Variants in ITIH5 observed in about 807,000 individuals in gnomAD.
ITIH5 encodes the protein inter-alpha-trypsin inhibitor heavy chain 5, also known as inter-alpha-trypsin inhibitor heavy chain H5.
A neutral mutation model predicts 77.5 loss-of-function variants in ITIH5; 65 were observed. The ratio of observed to expected loss-of-function variants is 0.84; its 90% CI spans 0.69 to 1.03. The LOEUF (loss-of-function observed/expected upper bound fraction) is 1.03. Ranked by LOEUF, ITIH5 falls within the 50% of genes least tolerant of loss-of-function variation. ITIH5 has a pLI of 0.00. For missense variants in ITIH5, 1,208 were observed against 1,213.1 expected (o/e 1.00, Z 0.06); for synonymous variants, 525 against 494.3 (o/e 1.06, Z -0.82).
At chr10:7,641,309 T>G (rs541262650) in intron 3 of ITIH5, among the ~76,000 whole-genome samples, 21 of 152,262 alleles carry the variant, frequency 1.4e-4, no homozygotes, top group Admixed American at 6.5e-4. Context: ...CTGAAAGCTC[T>G]TCCCAGATCT....
intron 2 of ITIH5, among the ~76,000 whole-genome samples, chr10:7,649,375 A>G (rs1381372784): frequency 6.6e-6 from 1 of 151,706 alleles, no homozygotes; most frequent in Non-Finnish European, 1.5e-5. Context: ...ATGAGACATA[A>G]TAGTGCTTAA....
Position 7,563,342 on chromosome 10 carries a change from G to C in ITIH5, c.2570C>G (p.Ala857Gly). The C allele has an allele frequency of 6.2e-7, 1 of 1,614,096 alleles. No individual in the cohort carries two copies. Among genetic ancestry groups the C allele is most frequent in the Non-Finnish European group, 8.5e-7 (1 of 1,179,942 alleles). Residue 857 changes from alanine (A) to glycine (G), a missense_variant, in exon 14 of 14, where the codon GCA (alanine) becomes GGA (glycine). Coordinates refer to ENST00000397146, the MANE Select transcript of ITIH5 (RefSeq NM_030569.7). ...NQDARLTEDP[A>G]GPSQNLTHPL... ...GTGAGTGAGGTTCTGGCTGGGCCCT[G>C]CAGGGTCTTCTGTGAGTCTGGCATC...
At position 7,642,069 on chromosome 10, in the gene ITIH5, C is replaced by G. The variant is rs1320414218; in HGVS notation, c.157G>C (p.Glu53Gln). ...QRLKTKPLMTEFSVKSTIISR... is the reference protein window; with the variant it reads ...QRLKTKPLMTQFSVKSTIISR... ...ATGATGGTAGACTTCACTGAGAATT[C>G]TGTCATCAAAGGTTTGGTTTTCTGT... is the stretch of plus-strand genomic sequence containing the variant. Residue 53 changes from glutamate to glutamine, a missense_variant, in exon 3 of 14, where the codon GAA becomes CAA. Physicochemically the swap from Glu to Gln is conservative, Grantham distance 29. Transcript: ENST00000397146. The G allele has an allele frequency of 6.2e-7, 1 of 1,613,794 alleles. No individual in the cohort carries two copies. Among genetic ancestry groups the G allele is most frequent in the African/African-American group, 1.3e-5 (1 of 74,886 alleles).
chr10:7,559,791 T>C lies in ITIH5; in HGVS notation c.*3292A>G, dbSNP rs1174429198. On this transcript the variant is annotated 3_prime_UTR_variant, in exon 14 of 14. Transcript: ENST00000397146. ...TCTTCCTGGCTTGCAGGTGGCCATC[T>C]TCTCATCGTATCCCCAGGTGGTGGA... 4.4e-6 allele frequency: 2 copies of C among 455,454 alleles called. No homozygotes were observed. The highest frequency in any genetic ancestry group is 4.0e-5 in the African/African-American group (2 of 49,868). 28.2% of individuals were successfully genotyped at this position (455,454 alleles called of 1,614,324 possible). A position where few individuals can be genotyped will look rare whatever the true frequency, so the allele number is the denominator to read the frequency against.
rs779378236 is a variant in ITIH5, at chr10:7,576,811, G to A, written c.1620C>T (p.Ile540=). 1.2e-6 allele frequency: 2 copies of A among 1,614,096 alleles called. No individual in the cohort carries two copies. Among genetic ancestry groups the A allele is most frequent in the Non-Finnish European group, 1.7e-6 (2 of 1,180,050 alleles). Residue 540 remains isoleucine, a synonymous_variant, in exon 10 of 14, where the codon ATC becomes ATT. Coordinates refer to ENST00000397146, the MANE Select transcript of ITIH5 (RefSeq NM_030569.7). The part of the protein sequence containing the change: ...VTASNSKKFI[I]LKTDVPVRPQ... ...GCCGCACAGGCACATCTGTCTTCAG[G>A]ATGATGAATTTCTTACTGTTGCTGG... is the stretch of plus-strand genomic sequence containing the variant.
At position 7,612,405 on chromosome 10, in the gene ITIH5, T is replaced by C. The variant is rs185003076; in HGVS notation, c.939+3577A>G. On this transcript the variant is annotated intron_variant, in intron 7 of 13. Coordinates refer to ENST00000397146, the MANE Select transcript of ITIH5 (RefSeq NM_030569.7). ...TGGCTATTGTATTGGACAGCACAGG[T>C]GTAGAACATTCCCATTCTCATAGAA... Among the ~76,000 whole-genome samples the C allele has an allele frequency of 7.9e-5, 12 of 152,322 alleles. No individual in the cohort carries two copies. The East Asian group carries it at 2.1e-3, about 27-fold the overall frequency.
chr10:7,595,560 T>C (rs1337530086), intron 7 of ITIH5, among the ~76,000 whole-genome samples: 1 of 152,270 alleles, frequency 6.6e-6, no homozygotes, highest in Non-Finnish European at 1.5e-5. Flanking sequence ...CCTCTTCTTA[T>C]ACGTACTTCA....
chr10:7,590,626 T>C (rs909496965), intron 7 of ITIH5, among the ~76,000 whole-genome samples: 2 of 152,266 alleles, frequency 1.3e-5, no homozygotes, highest in East Asian at 1.9e-4. Context: ...GTCATTTCAA[T>C]AGCAACCCAG....
At chr10:7,653,080 C>T (rs912843347) in intron 2 of ITIH5, among the ~76,000 whole-genome samples, 1 of 152,094 alleles carries the variant, frequency 6.6e-6, no homozygotes, top group African/African-American at 2.4e-5. Flanking sequence ...AAGAGATTGG[C>T]AAATTTAAAA....
intron 7 of ITIH5, among the ~76,000 whole-genome samples, chr10:7,612,513 A>G (rs1307402395): frequency 6.6e-6 from 1 of 152,194 alleles, no homozygotes; most frequent in Non-Finnish European, 1.5e-5. Flanking sequence ...TATTCATAAT[A>G]TGGGGGTGAA....
chr10:7,597,060 A>AAAAAAAAAAAAAAAAAAAAAAAAAAC (rs1832916266), intron 7 of ITIH5, among the ~76,000 whole-genome samples: 1 of 150,338 alleles, frequency 6.7e-6, no homozygotes, highest in Non-Finnish European at 1.5e-5. Context: ...AAAAAAAAAA[A>AAAAAAAAAAAAAAAAAAAAAAAAAAC]AAAATTCCAC....
At chr10:7,575,137 G>A (rs1832384024) in intron 10 of ITIH5, among the ~76,000 whole-genome samples, 1 of 152,182 alleles carries the variant, frequency 6.6e-6, no homozygotes, top group African/African-American at 2.4e-5. Flanking sequence ...ATACATTTCT[G>A]GTATTCCGTG....
Position 7,566,011 on chromosome 10 carries a change from G to C in ITIH5, c.2527+19C>G, listed in dbSNP as rs374758598. On this transcript the variant is annotated intron_variant, in intron 13 of 13. Transcript: ENST00000397146. The stretch of plus-strand genomic sequence containing the variant: ...ACTCTGCCCTCTATGCCCAGCGTGA[G>C]GAGAGCGCAGCTTCCTACCCAGCAG... 2 of 1,607,046 alleles carry C rather than the reference G, an allele frequency of 1.2e-6. No individual in the cohort carries two copies. Among genetic ancestry groups the C allele is most frequent in the Non-Finnish European group, 8.5e-7 (1 of 1,175,228 alleles).
intron 7 of ITIH5, among the ~76,000 whole-genome samples, chr10:7,611,826 A>G (rs188433043): frequency 1.1e-3 from 161 of 151,772 alleles, no homozygotes; most frequent in African/African-American, 3.8e-3. Context: ...CCCCTTTGTA[A>G]TTACTTTTAG....
chr10:7,624,794 A>AT (rs1226558745), intron 5 of ITIH5, among the ~76,000 whole-genome samples: 11,643 of 32,532 alleles, frequency 0.36, 2,850 homozygotes, highest in East Asian at 0.56. Context: ...TAAAAAAAAA[A>AT]AAAAATATAT....
At chr10:7,653,269 C>A (rs1281291550) in intron 2 of ITIH5, among the ~76,000 whole-genome samples, 1 of 152,144 alleles carries the variant, frequency 6.6e-6, no homozygotes, top group Non-Finnish European at 1.5e-5. Context: ...TGCAGTGGTG[C>A]AATCTCAGCT....
At position 7,610,146 on chromosome 10, in the gene ITIH5, C is replaced by T. The variant is rs1833215863; in HGVS notation, c.939+5836G>A. Among the ~76,000 whole-genome samples the T allele has an allele frequency of 1.4e-5, 2 of 147,342 alleles. 1 individual carries two copies. The highest frequency in any genetic ancestry group is 4.4e-4 in the South Asian group (2 of 4,548). On this transcript the variant is annotated intron_variant, in intron 7 of 13. Coordinates refer to ENST00000397146, the MANE Select transcript of ITIH5 (RefSeq NM_030569.7). ...TTTAGCTCAAACTGGGAGGTAGAAACCCTGCCTGACCCAACACCACAGCCA... is the reference window on the plus strand; with the variant it reads ...TTTAGCTCAAACTGGGAGGTAGAAATCCTGCCTGACCCAACACCACAGCCA...
chr10:7,577,174 T>C (rs1168808438), intron 9 of ITIH5, among the ~76,000 whole-genome samples, 162 bp from the exon 10 acceptor site: 1 of 152,140 alleles, frequency 6.6e-6, no homozygotes, highest in African/African-American at 2.4e-5. Flanking sequence ...AGGAGATCAC[T>C]AGGCAGCAGG....
In ITIH5 at chr10:7,562,912, C is replaced by CACCCCA; in HGVS notation, c.*170_*171insTGGGGT. The stretch of plus-strand genomic sequence containing the variant: ...TGCACTCAGGCTTCCCGCCCCTACC[C>CACCCCA]ACCCCTACCCTTCGCCCAGACAGAC... On this transcript the variant is annotated 3_prime_UTR_variant, in exon 14 of 14. Transcript: ENST00000397146. 1.7e-6 allele frequency: 1 copy of CACCCCA among 590,788 alleles called. No individual in the cohort carries two copies. Among genetic ancestry groups the CACCCCA allele is most frequent in the Non-Finnish European group, 3.1e-6 (1 of 320,800 alleles). The allele number at this position is 590,788 out of a possible 1,614,324, so 36.6% of individuals were successfully genotyped here.
Sources: gnomAD v4.1 joint callset for allele counts (sites outside exome capture counted in the v4.1 genomes callset) on GRCh38, gnomAD v4.1.1 for gene constraint, MANE v1.5 for transcripts, NCBI Gene and HGNC (gene_info 2026-07-23, HGNC 2026-07-21) for gene names.